The following SLC38A9 variants were observed in gnomAD, a reference collection of about 807,000 sequenced individuals.
SLC38A9 encodes neutral amino acid transporter 9.
SLC38A9 carries 48 observed loss-of-function variants against 62.3 expected under a neutral mutation model. The observed-to-expected ratio is 0.77, with a 90% CI of 0.61 to 0.98. The LOEUF is 0.98. Ranked by LOEUF, SLC38A9 falls within the 50% of genes least tolerant of loss-of-function variation. The pLI is 0.00. For missense variants in SLC38A9, 541 were observed against 679.8 expected, an observed-to-expected ratio of 0.80 and a Z score of 2.27; for synonymous variants, 204 against 227.7, an observed-to-expected ratio of 0.90 and a Z score of 0.94.
chr5:55,653,258 C>A lies in SLC38A9; in HGVS notation c.758-535G>T, dbSNP rs569081711. Among the ~76,000 whole-genome samples, 3 of 152,110 alleles carry A rather than the reference C, an allele frequency of 2.0e-5. No individual in the cohort carries two copies. The East Asian group carries it at 5.8e-4, about 29-fold the overall frequency. On this transcript the variant is annotated intron_variant, in intron 9 of 15. Transcript: ENST00000396865. ...CTGGCATTACAGGCGTGAGCTACTG[C>A]GCCCAGCCCTGAGATATTATCTTTA...
intron 8 of SLC38A9, among the ~76,000 whole-genome samples, chr5:55,658,800 T>C (rs1206793903): frequency 2.0e-5 from 3 of 152,184 alleles, no homozygotes; most frequent in African/African-American, 7.2e-5. Context: ...AGGCCAATAT[T>C]TGTTAGGAAA....
At chr5:55,668,078 G>A (rs568875708) in intron 7 of SLC38A9, among the ~76,000 whole-genome samples, 1 of 152,260 alleles carries the variant, frequency 6.6e-6, no homozygotes, top group South Asian at 2.1e-4. Context: ...AGGCTGAGGT[G>A]GGAGAATCAC....
At chr5:55,700,475 ATGT>A (rs1254776635) in intron 2 of SLC38A9, among the ~76,000 whole-genome samples, 1 of 152,172 alleles carries the variant, frequency 6.6e-6, no homozygotes, top group Non-Finnish European at 1.5e-5. Context: ...TCACACATTG[ATGT>A]TGTTATTTTA....
At position 55,661,086 on chromosome 5, in the gene SLC38A9, T is replaced by TTAAA. The variant is rs1554057594; in HGVS notation, c.697+3606_697+3607insTTTA. Among the ~76,000 whole-genome samples, 139 of 151,238 alleles carry TTAAA rather than the reference T, an allele frequency of 9.2e-4. 1 individual carries two copies. Among genetic ancestry groups the TTAAA allele is most frequent in the Non-Finnish European group, 1.7e-3 (113 of 67,866 alleles). Reference sequence around the variant, plus strand: ...CACAAGATCTTTATCAAGAAAAACTTAAAATTTTTTTTAAAGACCTAAATA... The same window carrying TTAAA: ...CACAAGATCTTTATCAAGAAAAACTTTAAAAAAATTTTTTTTAAAGACCTAAATA... On this transcript the variant is annotated intron_variant, in intron 8 of 15. Transcript: ENST00000396865.
chr5:55,702,271 T>C (rs1188697155), intron 2 of SLC38A9, among the ~76,000 whole-genome samples: 4 of 152,034 alleles, frequency 2.6e-5, no homozygotes, highest in Non-Finnish European at 4.4e-5. Flanking sequence ...AATTTTTTTT[T>C]TTTTTGAGAC....
intron 3 of SLC38A9, among the ~76,000 whole-genome samples, chr5:55,682,510 A>G (rs1340682712): frequency 6.6e-6 from 1 of 152,220 alleles, no homozygotes; most frequent in Non-Finnish European, 1.5e-5. Context: ...ATACATGTAT[A>G]GGCTGGGTGT....
intron 9 of SLC38A9, 85 bp downstream of exon 9, chr5:55,656,630 T>C (rs1409296253): frequency 2.2e-5 from 20 of 894,090 alleles, no homozygotes; most frequent in Non-Finnish European, 2.4e-5. Flanking sequence ...ATCGTTTACC[T>C]AAAATAAGGT....
chr5:55,672,480 A>G (rs1751477612), intron 4 of SLC38A9, 83 bp downstream of exon 4: 12 of 1,486,644 alleles, frequency 8.1e-6, no homozygotes, highest in East Asian at 2.3e-5. Flanking sequence ...AAGAAGTTCA[A>G]TCACTGGGAG....
chr5:55,665,546 CAAA>C (rs112929342), intron 7 of SLC38A9, among the ~76,000 whole-genome samples: 3 of 91,514 alleles, frequency 3.3e-5, no homozygotes, highest in Admixed American at 2.4e-4. Flanking sequence ...GACTCCATCT[CAAA>C]AAAAAAAAAA....
chr5:55,669,902 A>G, intron 4 of SLC38A9, 23 bp from the exon 5 acceptor site: 1 of 1,571,422 alleles, frequency 6.4e-7, no homozygotes, highest in Non-Finnish European at 8.6e-7. Context: ...AAACATAGAT[A>G]AATTTCAGAA....
At chr5:55,632,841 A>G (rs1237800340) in intron 14 of SLC38A9, among the ~76,000 whole-genome samples, 1 of 152,194 alleles carries the variant, frequency 6.6e-6, no homozygotes, top group Non-Finnish European at 1.5e-5. Flanking sequence ...GAATCTAGAC[A>G]GAGGGGCCTT....
At chr5:55,639,344 G>GA (rs886481532) in intron 12 of SLC38A9, among the ~76,000 whole-genome samples, 172 of 150,230 alleles carry the variant, frequency 1.1e-3, no homozygotes, top group African/African-American at 3.8e-3. Flanking sequence ...CATTTCGTGG[G>GA]AAAAAAAAAT....
Position 55,700,360 on chromosome 5 carries a change from C to CA in SLC38A9, c.-34-2369dup, listed in dbSNP as rs3042053. Among the ~76,000 whole-genome samples, 242 of 140,074 alleles carry CA rather than the reference C, an allele frequency of 1.7e-3. 3 individuals carry two copies. Among genetic ancestry groups the CA allele is most frequent in the African/African-American group, 4.7e-3 (175 of 37,470 alleles). The allele number at this position is 140,074 out of a possible 152,430, so 91.9% of individuals were successfully genotyped here. A position where few individuals can be genotyped will look rare whatever the true frequency, so the allele number is the denominator to read the frequency against. Reference sequence around the variant, plus strand: ...CCCAATTAAAAAAAATAAAACAAGCCAAAAAAAAAAAGAACTAAAATCCCA... The same window carrying CA: ...CCCAATTAAAAAAAATAAAACAAGCCAAAAAAAAAAAAGAACTAAAATCCCA... On this transcript the variant is annotated intron_variant, in intron 2 of 15. Transcript: ENST00000396865.
At chr5:55,688,443 G>A (rs1012382342) in intron 3 of SLC38A9, among the ~76,000 whole-genome samples, 3 of 137,694 alleles carry the variant, frequency 2.2e-5, no homozygotes, top group African/African-American at 7.9e-5. Flanking sequence ...GCAGTGGCCC[G>A]ATCCCGGCTC....
At position 55,633,898 on chromosome 5, in the gene SLC38A9, A is replaced by G; in HGVS notation, c.1286T>C (p.Phe429Ser). ...PLSKDCIEQN[F>S]LDNFPSSDTL... ...GTCACTGCTAGGGAAGTTGTCTAAA[A>G]AATTCTAATCCAAGAAAGATAATGA... Residue 429 changes from phenylalanine to serine, a missense_variant, in exon 14 of 16, where the codon TTT becomes TCT. Coordinates refer to ENST00000396865, the MANE Select transcript of SLC38A9 (RefSeq NM_173514.4). 3 of 1,600,316 alleles carry G rather than the reference A, an allele frequency of 1.9e-6. No homozygotes were observed. The highest frequency in any genetic ancestry group is 2.6e-6 in the Non-Finnish European group (3 of 1,172,484).
chr5:55,626,153 G>T lies in SLC38A9; in HGVS notation c.*341C>A, dbSNP rs985717532. The T allele has an allele frequency of 5.5e-6, 1 of 180,822 alleles. No homozygotes were observed. Among genetic ancestry groups the T allele is most frequent in the Non-Finnish European group, 1.2e-5 (1 of 85,704 alleles). 11.2% of individuals were successfully genotyped at this position (180,822 alleles called of 1,614,324 possible). A position where few individuals can be genotyped will look rare whatever the true frequency, so the allele number is the denominator to read the frequency against. ...ACAATATGCTGCTCTGACACCCTGA[G>T]AATCTTTACTGCAGGCAAAATAAAT... is the stretch of plus-strand genomic sequence containing the variant. On this transcript the variant is annotated 3_prime_UTR_variant, in exon 16 of 16. Transcript: ENST00000396865.
At chr5:55,696,356 C>G in intron 3 of SLC38A9, 1 of 63,674 alleles carries the variant, frequency 1.6e-5, no homozygotes, top group African/African-American at 4.7e-5. Flanking sequence ...CTGACCCCCC[C>G]ACCTCCCTCC....
chr5:55,627,826 A>AACC lies in SLC38A9; in HGVS notation c.1520+64_1520+65insGGT, dbSNP rs145437374. 1.4e-3 allele frequency: 1,425 copies of AACC among 991,580 alleles called. 10 individuals carry two copies. The African/African-American group carries it at 0.022, about 15-fold the overall frequency. 61.4% of individuals were successfully genotyped at this position (991,580 alleles called of 1,614,324 possible). ...ACAATTAAATTAAAACAACAACAAC[A>AACC]ACAGGAAAAGCCTGAAAATAAAGAC... On this transcript the variant is annotated intron_variant, in intron 15 of 15. Coordinates refer to ENST00000396865, the MANE Select transcript of SLC38A9 (RefSeq NM_173514.4).
intron 3 of SLC38A9, among the ~76,000 whole-genome samples, chr5:55,680,397 A>G (rs1168588979): frequency 6.6e-6 from 1 of 152,196 alleles, no homozygotes; most frequent in Non-Finnish European, 1.5e-5. Context: ...GGCATTGCCA[A>G]TGTGATGATA....
Sources: gnomAD v4.1 joint callset for allele counts (sites outside exome capture counted in the v4.1 genomes callset) on GRCh38, gnomAD v4.1.1 for gene constraint, MANE v1.5 for transcripts, NCBI Gene and HGNC (gene_info 2026-07-23, HGNC 2026-07-21) for gene names.